The following KCNMA1 variants were observed in gnomAD, a reference collection of about 807,000 sequenced individuals.
KCNMA1 encodes potassium calcium-activated channel subfamily M alpha 1, also known as Calcium-activated potassium channel subunit alpha-1.
A neutral mutation model predicts 140.0 loss-of-function variants in KCNMA1; 29 were observed. The observed-to-expected ratio is 0.21, with a 90% CI of 0.15 to 0.28. The LOEUF is 0.28. Among genes scored for constraint, KCNMA1 ranks in the 10% least tolerant of loss-of-function variants. The pLI is 1.00. For missense variants in KCNMA1, 880 were observed against 1,602.2 expected, an observed-to-expected ratio of 0.55 and a Z score of 7.70; for synonymous variants, 612 against 611.9, an observed-to-expected ratio of 1.00 and a Z score of 0.00.
At chr10:77,598,882 G>C (rs1406394857) in intron 1 of KCNMA1, among the ~76,000 whole-genome samples, 2 of 152,232 alleles carry the variant, frequency 1.3e-5, no homozygotes, top group Non-Finnish European at 2.9e-5. Flanking sequence ...AGCTCAGCTG[G>C]TACTAGAGGC....
intron 1 of KCNMA1, among the ~76,000 whole-genome samples, chr10:77,627,131 G>T (rs955823663): frequency 2.0e-5 from 3 of 152,182 alleles, no homozygotes; most frequent in Non-Finnish European, 4.4e-5. Flanking sequence ...GAAAGAAACA[G>T]CCTCCTATTC....
chr10:77,222,151 G>A (rs950200749), intron 3 of KCNMA1, among the ~76,000 whole-genome samples: 18 of 152,290 alleles, frequency 1.2e-4, no homozygotes, highest in Admixed American at 2.0e-4. Flanking sequence ...GAGTAGAGAC[G>A]CTGCTCTCCC....
rs75201359 is a variant in KCNMA1 at position 77,418,679 on chromosome 10, A to G, written c.379-14656T>C. ...CCAGAAAAAGAGCCAAGAGGAAGCC[A>G]AAAGGACTTGCCCACACACTTGCAT... On this transcript the variant is annotated intron_variant, in intron 1 of 27. Coordinates refer to ENST00000286628, the MANE Select transcript of KCNMA1 (RefSeq NM_001161352.2). Among the ~76,000 whole-genome samples the G allele has an allele frequency of 4.6e-3, 702 of 152,344 alleles. 46 individuals carry two copies. In the East Asian group the frequency reaches 0.12, roughly 26 times the overall value.
chr10:77,391,940 T>C (rs1053532288), intron 2 of KCNMA1, among the ~76,000 whole-genome samples: 1 of 149,520 alleles, frequency 6.7e-6, no homozygotes, highest in Admixed American at 6.7e-5. Context: ...AGGATATTTT[T>C]CTGACAAAAA....
intron 21 of KCNMA1, chr10:76,952,018 G>T (rs1337552039): frequency 6.4e-7 from 1 of 1,550,542 alleles, no homozygotes; most frequent in Non-Finnish European, 8.7e-7. Flanking sequence ...TTTTTCATAG[G>T]ATAGAAGTAG....
intron 2 of KCNMA1, among the ~76,000 whole-genome samples, chr10:77,390,389 G>C (rs1222533791): frequency 2.0e-5 from 3 of 152,218 alleles, no homozygotes; most frequent in African/African-American, 7.2e-5. Context: ...ACCAAGGTGA[G>C]TAAACTGTTT....
chr10:76,988,760 AT>A (rs2081967957), intron 19 of KCNMA1, among the ~76,000 whole-genome samples: 1 of 152,154 alleles, frequency 6.6e-6, no homozygotes, highest in African/African-American at 2.4e-5. Flanking sequence ...GGGATGAGGA[AT>A]GATGAGACCT....
chr10:77,050,853 C>T (rs1037073633), intron 14 of KCNMA1, among the ~76,000 whole-genome samples: 5 of 152,134 alleles, frequency 3.3e-5, no homozygotes, highest in Non-Finnish European at 7.4e-5. Flanking sequence ...TGAAGTATTG[C>T]TAGATATTGG....
At chr10:77,483,856 A>T (rs1704382019) in intron 1 of KCNMA1, among the ~76,000 whole-genome samples, 1 of 152,218 alleles carries the variant, frequency 6.6e-6, no homozygotes, top group Non-Finnish European at 1.5e-5. Flanking sequence ...AGCAATTCTC[A>T]TCGTGACAAA....
intron 18 of KCNMA1, among the ~76,000 whole-genome samples, chr10:77,008,820 G>A (rs933626735): frequency 2.0e-5 from 3 of 152,242 alleles, no homozygotes; most frequent in African/African-American, 4.8e-5. Context: ...AACTTAGAGA[G>A]GGAACCAAGC....
At chr10:77,166,919 C>T (rs1337295037) in intron 5 of KCNMA1, among the ~76,000 whole-genome samples, 1 of 152,098 alleles carries the variant, frequency 6.6e-6, no homozygotes, top group Non-Finnish European at 1.5e-5. Flanking sequence ...CTGGGACATC[C>T]ATCACCTTAA....
At chr10:76,959,961 C>T (rs1177490636) in intron 20 of KCNMA1, among the ~76,000 whole-genome samples, 1 of 152,172 alleles carries the variant, frequency 6.6e-6, no homozygotes, top group Non-Finnish European at 1.5e-5. Flanking sequence ...AGAGGAGAGG[C>T]AAAGCCTTAA....
At chr10:77,086,775 G>A (rs2096701679) in intron 10 of KCNMA1, among the ~76,000 whole-genome samples, 182 bp from the exon 11 acceptor site, 1 of 152,144 alleles carries the variant, frequency 6.6e-6, no homozygotes, top group Non-Finnish European at 1.5e-5. Flanking sequence ...CAGCCCAACT[G>A]AAAACCAAAC....
In KCNMA1 at chr10:77,152,914, C is replaced by T. The variant is rs566233044; in HGVS notation, c.808+30507G>A. On this transcript the variant is annotated intron_variant, in intron 5 of 27. Transcript: ENST00000286628. ...AAAGGACTGATTGCGACCCTGCACACTGTACCTCCATTCACTGAGGGCTTC... is the reference window on the plus strand; with the variant it reads ...AAAGGACTGATTGCGACCCTGCACATTGTACCTCCATTCACTGAGGGCTTC... Among the ~76,000 whole-genome samples the T allele has an allele frequency of 3.3e-5, 5 of 152,302 alleles. No individual in the cohort carries two copies. The East Asian group carries it at 9.7e-4, about 29-fold the overall frequency.
intron 2 of KCNMA1, among the ~76,000 whole-genome samples, chr10:77,357,339 A>G (rs902553532): frequency 6.6e-6 from 1 of 152,228 alleles, no homozygotes; most frequent in African/African-American, 2.4e-5. Context: ...CCTGGCACCC[A>G]TGGACCCTGG....
intron 3 of KCNMA1, 69 bp from the exon 4 acceptor site, chr10:77,184,985 T>C: frequency 3.3e-6 from 3 of 915,340 alleles, no homozygotes; most frequent in Non-Finnish European, 3.7e-6. Flanking sequence ...CCCACGATGC[T>C]GAGAAGTGGT....
intron 1 of KCNMA1, among the ~76,000 whole-genome samples, chr10:77,616,672 G>A (rs1215490232): frequency 6.6e-6 from 1 of 152,114 alleles, no homozygotes; most frequent in Non-Finnish European, 1.5e-5. Context: ...CGGACATGGT[G>A]GTGCGCACCT....
At chr10:77,451,996 G>A (rs1693169668) in intron 1 of KCNMA1, among the ~76,000 whole-genome samples, 1 of 152,184 alleles carries the variant, frequency 6.6e-6, no homozygotes, top group Non-Finnish European at 1.5e-5. Flanking sequence ...TTTGCTAATA[G>A]CAGTGAAAAT....
intron 6 of KCNMA1, among the ~76,000 whole-genome samples, chr10:77,118,453 G>A (rs2097529963): frequency 2.0e-5 from 3 of 152,168 alleles, no homozygotes; most frequent in African/African-American, 7.2e-5. Context: ...TTCTGTGCCT[G>A]GTGACCTGGC....
Sources: allele counts gnomAD v4.1 joint callset (sites outside exome capture counted in the v4.1 genomes callset), GRCh38; gene constraint gnomAD v4.1.1; transcripts MANE v1.5; gene names NCBI Gene and HGNC (gene_info 2026-07-23, HGNC 2026-07-21).